SLC30A6: variants seen among roughly 807,000 people sequenced by gnomAD.
SLC30A6 encodes zinc transporter 6.
In SLC30A6, 55 loss-of-function variants were observed where a neutral mutation model predicts 63.0. The observed-to-expected ratio is 0.87, with a 90% CI of 0.70 to 1.09. The LOEUF (loss-of-function observed/expected upper bound fraction) is 1.09, where lower values mean the gene tolerates loss of function less well. SLC30A6 is among the 50% of genes least tolerant of loss of function. The probability of loss-of-function intolerance (pLI) is 0.00; values close to 1 mark genes in which losing one functional copy is unlikely to be tolerated. For synonymous variants in SLC30A6, 224 were observed against 186.1 expected (o/e 1.20, Z -1.66); for missense variants, 587 against 549.2 (o/e 1.07, Z -0.69).
At chr2:32,204,136 AGT>A (rs1684537277) in intron 10 of SLC30A6, 1 of 373,454 alleles carries the variant, frequency 2.7e-6, no homozygotes, top group South Asian at 4.1e-5. Context: ...TTTTTTAAAA[AGT>A]ATTTCACAAG....
intron 10 of SLC30A6, chr2:32,203,309 G>C: frequency 1.1e-6 from 1 of 924,330 alleles, no homozygotes. Flanking sequence ...AAGATATGTG[G>C]AACAAAAAGT....
intron 10 of SLC30A6, chr2:32,203,919 C>T: frequency 1.2e-6 from 1 of 851,148 alleles, no homozygotes; most frequent in Non-Finnish European, 2.0e-6. Flanking sequence ...AAGGGAGTCG[C>T]TCAGGAAGTT....
At chr2:32,219,119 C>T (rs930928778) in intron 13 of SLC30A6, among the ~76,000 whole-genome samples, 4 of 151,898 alleles carry the variant, frequency 2.6e-5, no homozygotes, top group South Asian at 4.1e-4. Context: ...CTGCAACCTC[C>T]GCCTCCCAGG....
At chr2:32,192,176 A>G (rs1249854111) in intron 5 of SLC30A6, among the ~76,000 whole-genome samples, 160 bp from the exon 6 acceptor site, 1 of 151,928 alleles carries the variant, frequency 6.6e-6, no homozygotes, top group African/African-American at 2.4e-5. Context: ...ATTGTTTATT[A>G]TTATTCTAGA....
chr2:32,207,751 A>G (rs1378574387), intron 12 of SLC30A6, among the ~76,000 whole-genome samples: 13 of 120,382 alleles, frequency 1.1e-4, no homozygotes, highest in Non-Finnish European at 1.9e-4. Flanking sequence ...CCCAGGCTGG[A>G]GTGCAGTGGC....
intron 13 of SLC30A6, among the ~76,000 whole-genome samples, chr2:32,212,313 A>G (rs1031140134): frequency 6.6e-6 from 1 of 151,868 alleles, no homozygotes; most frequent in African/African-American, 2.4e-5. Context: ...AGTAGGTTAT[A>G]GTTTTTATCT....
rs367916022 is a variant in SLC30A6 at position 32,199,943 on chromosome 2, C to T, written c.665+2117C>T. ...CAGCCTGGCCAACATGGCAAAACCC[C>T]GTCTCTGCTAAAAATACAAAAATTA... On this transcript the variant is annotated intron_variant, in intron 10 of 13. Coordinates refer to ENST00000282587, the MANE Select transcript of SLC30A6 (RefSeq NM_017964.5). Among the ~76,000 whole-genome samples the T allele has an allele frequency of 1.8e-4, 27 of 152,168 alleles. No homozygotes were observed. In the East Asian group the frequency reaches 4.8e-3, roughly 27 times the overall value.
intron 4 of SLC30A6, among the ~76,000 whole-genome samples, chr2:32,176,737 T>G (rs986597362): frequency 6.6e-6 from 1 of 152,082 alleles, no homozygotes; most frequent in Non-Finnish European, 1.5e-5. Context: ...CATAGAGTTG[T>G]GCATTCATCA....
intron 5 of SLC30A6, among the ~76,000 whole-genome samples, chr2:32,186,435 C>T (rs562931608): frequency 1.3e-5 from 2 of 152,322 alleles, no homozygotes; most frequent in South Asian, 4.1e-4. Flanking sequence ...CCTATAATCC[C>T]GGGACTTCGG....
chr2:32,217,833 G>T (rs1685834346), intron 13 of SLC30A6, among the ~76,000 whole-genome samples: 1 of 151,190 alleles, frequency 6.6e-6, no homozygotes, highest in Admixed American at 6.6e-5. Flanking sequence ...TATTGTAAAT[G>T]GGATTGAATT....
In SLC30A6 at chr2:32,213,638, A is replaced by T. The variant is rs17011886; in HGVS notation, c.885+4077A>T. Among the ~76,000 whole-genome samples, 333 of 152,196 alleles carry T rather than the reference A, an allele frequency of 2.2e-3. 7 individuals are homozygous for T. In the East Asian group the frequency reaches 0.056, roughly 26 times the overall value. ...AATGGAAATATTTGAGGCATTTCAA[A>T]CACTGCCACCACTGCTGCCATCTTG... On this transcript the variant is annotated intron_variant, in intron 13 of 13. Coordinates refer to ENST00000282587, the MANE Select transcript of SLC30A6 (RefSeq NM_017964.5).
chr2:32,206,444 A>G (rs1416564761), intron 11 of SLC30A6, among the ~76,000 whole-genome samples: 1 of 151,390 alleles, frequency 6.6e-6, no homozygotes, highest in Non-Finnish European at 1.5e-5. Context: ...AGATTCCAAA[A>G]AAAAAAAAGG....
chr2:32,197,343 G>A lies in SLC30A6; in HGVS notation c.497-1G>A. 1.9e-6 allele frequency: 3 copies of A among 1,611,460 alleles called. No homozygotes were observed. The highest frequency in any genetic ancestry group is 2.5e-6 in the Non-Finnish European group (3 of 1,178,798). ...ATAATTTAAGTATTTTCTTCTTAAA[G>A]CTGCTAGTACGAGCTGGCTTCAAGA... On this transcript the variant is annotated splice_acceptor_variant, in intron 8 of 13. Coordinates refer to ENST00000282587, the MANE Select transcript of SLC30A6 (RefSeq NM_017964.5). LOFTEE classifies it high-confidence loss of function.
chr2:32,216,519 G>C (rs1685716074), intron 13 of SLC30A6, among the ~76,000 whole-genome samples: 1 of 148,922 alleles, frequency 6.7e-6, no homozygotes, highest in Non-Finnish European at 1.5e-5. Context: ...CTGGGCAAGA[G>C]AGCAAGACTC....
At chr2:32,180,976 G>C (rs545484092) in intron 4 of SLC30A6, among the ~76,000 whole-genome samples, 2 of 152,294 alleles carry the variant, frequency 1.3e-5, no homozygotes, top group South Asian at 2.1e-4. Context: ...TGAAAGGTGT[G>C]ATTTAGATTC....
chr2:32,209,284 G>T (rs1685050618), intron 12 of SLC30A6, among the ~76,000 whole-genome samples: 1 of 152,196 alleles, frequency 6.6e-6, no homozygotes, highest in Admixed American at 6.5e-5. Flanking sequence ...ATTGGGGCAA[G>T]CAAGAAACGA....
intron 13 of SLC30A6, among the ~76,000 whole-genome samples, chr2:32,218,827 G>T (rs1389135236): frequency 6.6e-6 from 1 of 152,118 alleles, no homozygotes; most frequent in African/African-American, 2.4e-5. Context: ...AAAGTGCTGG[G>T]ATTATAGGCA....
intron 4 of SLC30A6, among the ~76,000 whole-genome samples, chr2:32,182,718 A>T (rs1682440399): frequency 6.6e-6 from 1 of 152,182 alleles, no homozygotes; most frequent in African/African-American, 2.4e-5. Context: ...AAATTTTCAA[A>T]TGTGCATTTC....
intron 13 of SLC30A6, chr2:32,214,705 T>G (rs1321953090): frequency 6.6e-6 from 1 of 152,220 alleles, no homozygotes; most frequent in African/African-American, 2.4e-5. Flanking sequence ...AACAAGCTTT[T>G]GAGCTGCTAA....
Sources: allele counts gnomAD v4.1 joint callset (sites outside exome capture counted in the v4.1 genomes callset), GRCh38; gene constraint gnomAD v4.1.1; transcripts MANE v1.5; gene names NCBI Gene and HGNC (gene_info 2026-07-23, HGNC 2026-07-21).